MCTP2: variants seen among roughly 807,000 people sequenced by gnomAD.
The protein encoded by MCTP2 is multiple C2 and transmembrane domain-containing protein 2.
MCTP2 carries 132 observed loss-of-function variants against 111.6 expected under a neutral mutation model. That is an observed-to-expected ratio of 1.18 (90% CI 1.03 to 1.37). The LOEUF is 1.37. Among genes scored for constraint, MCTP2 ranks in the 40% most tolerant of loss-of-function variants. The probability of loss-of-function intolerance (pLI) is 0.00; values close to 1 mark genes in which losing one functional copy is unlikely to be tolerated. For synonymous variants in MCTP2, 395 were observed against 387.7 expected, an observed-to-expected ratio of 1.02 and a Z score of -0.22; for missense variants, 1,183 against 1,067.9, an observed-to-expected ratio of 1.11 and a Z score of -1.50.
chr15:94,398,820 G>T, intron 14 of MCTP2, 141 bp from the exon 15 acceptor site: 1 of 551,172 alleles, frequency 1.8e-6, no homozygotes, highest in South Asian at 2.4e-5. Flanking sequence ...GCGATTTATG[G>T]TGGATTTAAT....
At chr15:94,448,778 C>A (rs1480146049) in intron 19 of MCTP2, among the ~76,000 whole-genome samples, 1 of 152,202 alleles carries the variant, frequency 6.6e-6, no homozygotes, top group East Asian at 1.9e-4. Context: ...TGATTATCCA[C>A]AAGTGATTGG....
At chr15:94,361,637 G>A (rs1283410652) in intron 10 of MCTP2, among the ~76,000 whole-genome samples, 3 of 152,094 alleles carry the variant, frequency 2.0e-5, no homozygotes, top group Non-Finnish European at 2.9e-5. Flanking sequence ...TCACAACTTG[G>A]CAACTCAAAT....
In MCTP2 at chr15:94,360,803, T is replaced by C. The variant is rs984097625; in HGVS notation, c.1301+2191T>C. Among the ~76,000 whole-genome samples the C allele has an allele frequency of 3.9e-5, 6 of 152,110 alleles. No individual in the cohort carries two copies. In the South Asian group the frequency reaches 6.2e-4, roughly 16 times the overall value. On this transcript the variant is annotated intron_variant, in intron 10 of 22. Transcript: ENST00000357742. ...ATTTCCTGTTTATAACCGAGACATA[T>C]ACCTGTCTTGGTGGTCATTCTGTTC... is the stretch of plus-strand genomic sequence containing the variant.
At chr15:94,316,204 C>T (rs1490355614) in intron 4 of MCTP2, among the ~76,000 whole-genome samples, 1 of 152,052 alleles carries the variant, frequency 6.6e-6, no homozygotes, top group Non-Finnish European at 1.5e-5. Flanking sequence ...ACATATATTG[C>T]CTTTCTTTTA....
rs553601578 is a variant in MCTP2, at chr15:94,374,028, C to T, written c.1582+3848C>T. ...GGTATTTTAAGAAGAAAACAACTCG[C>T]GTTCTAATGATTAACTGAAAAAGAG... On this transcript the variant is annotated intron_variant, in intron 12 of 22. Coordinates refer to ENST00000357742, the MANE Select transcript of MCTP2 (RefSeq NM_001385001.1). 3.3e-4 allele frequency among the ~76,000 whole-genome samples: 50 copies of T among 152,272 alleles called. 1 individual carries two copies. The highest frequency in any genetic ancestry group is 1.1e-3 in the African/African-American group (45 of 41,572).
At chr15:94,315,983 C>T in intron 4 of MCTP2, among the ~76,000 whole-genome samples, 1 of 152,176 alleles carries the variant, frequency 6.6e-6, no homozygotes, top group East Asian at 1.9e-4. Flanking sequence ...TGAGCCCATC[C>T]TTAGTATAAG....
At chr15:94,390,094 A>ATG (rs1567602957) in intron 14 of MCTP2, among the ~76,000 whole-genome samples, 18 of 12,096 alleles carry the variant, frequency 1.5e-3, no homozygotes, top group African/African-American at 3.3e-3. Flanking sequence ...ATATATGTAT[A>ATG]TATATATATA....
intron 8 of MCTP2, among the ~76,000 whole-genome samples, chr15:94,355,703 G>A (rs1037228627): frequency 4.6e-5 from 7 of 152,210 alleles, no homozygotes; most frequent in African/African-American, 1.7e-4. Flanking sequence ...AGATTCAAAT[G>A]TGAAGGATAA....
rs189133108 is a variant in MCTP2 at position 94,272,410 on chromosome 15, C to T, written c.-65-25791C>T. Among the ~76,000 whole-genome samples, 334 of 152,214 alleles carry T rather than the reference C, an allele frequency of 2.2e-3. 2 individuals carry two copies. The highest frequency in any genetic ancestry group is 3.2e-3 in the Non-Finnish European group (221 of 68,010). On this transcript the variant is annotated intron_variant, in intron 1 of 22. Coordinates refer to ENST00000357742, the MANE Select transcript of MCTP2 (RefSeq NM_001385001.1). ...GCACGTGCGTTTAGCGTGAGTGTTG[C>T]GTCTGTCTACCTCTGTGATCCAGCC...
Position 94,385,425 on chromosome 15 carries a change from C to G in MCTP2, c.1688C>G (p.Pro563Arg). 6.2e-7 allele frequency: 1 copy of G among 1,602,246 alleles called. No homozygotes were observed. Among genetic ancestry groups the G allele is most frequent in the South Asian group, 1.1e-5 (1 of 90,760 alleles). ...NPEWNKVFTF[P>R]IKDIHDVLEV... ...AATACATGGTATTTTTGTTACAGTC[C>G]CATTAAAGATATCCATGATGTTTTG... Residue 563 changes from proline (P) to arginine (R), a missense_variant and splice_region_variant, in exon 14 of 23, where the codon CCC becomes CGC. By Grantham distance (103) the Pro-to-Arg change is moderately radical (BLOSUM62 -2). Transcript: ENST00000357742.
intron 17 of MCTP2, among the ~76,000 whole-genome samples, chr15:94,416,090 G>T (rs1236347343): frequency 6.6e-6 from 1 of 152,078 alleles, no homozygotes. Context: ...TACCCACTAT[G>T]CACAGTTGCA....
chr15:94,473,060 GTTT>G (rs1254628091), intron 21 of MCTP2, among the ~76,000 whole-genome samples: 3 of 123,872 alleles, frequency 2.4e-5, no homozygotes, highest in African/African-American at 5.2e-5. Flanking sequence ...TTTGTTCTAT[GTTT>G]TTAATTTTTT....
At chr15:94,404,652 T>G (rs909653454) in intron 17 of MCTP2, among the ~76,000 whole-genome samples, 2 of 152,034 alleles carry the variant, frequency 1.3e-5, no homozygotes, top group Non-Finnish European at 2.9e-5. Context: ...TAGCCAAGCT[T>G]TCATGTCCTT....
At chr15:94,388,337 C>G (rs11630614) in intron 14 of MCTP2, among the ~76,000 whole-genome samples, 55,233 of 152,030 alleles carry the variant, frequency 0.36, 12,294 homozygotes, top group Non-Finnish European at 0.5. Flanking sequence ...CACTCTGTTT[C>G]AATCCAGATT....
At chr15:94,436,664 C>A (rs1056461894) in intron 17 of MCTP2, among the ~76,000 whole-genome samples, 2 of 152,036 alleles carry the variant, frequency 1.3e-5, no homozygotes, top group African/African-American at 4.8e-5. Flanking sequence ...GGTGGTTGTT[C>A]AAGTAATTTT....
intron 18 of MCTP2, among the ~76,000 whole-genome samples, chr15:94,440,711 A>C (rs1349160886): frequency 2.6e-5 from 4 of 152,172 alleles, no homozygotes; most frequent in Non-Finnish European, 4.4e-5. Context: ...CACCTTATGC[A>C]ATGTTCTCTC....
intron 4 of MCTP2, among the ~76,000 whole-genome samples, chr15:94,331,619 G>GTTAAACAAGTT (rs1407741014): frequency 3.3e-5 from 5 of 152,142 alleles, no homozygotes; most frequent in Non-Finnish European, 5.9e-5. Flanking sequence ...TTTATAAATA[G>GTTAAACAAGTT]TTAAACAAGT....
Position 94,298,539 on chromosome 15 carries a change from A to G in MCTP2, c.274A>G (p.Ser92Gly). ...CACTGCAGGGATCTTTCCCAAGAGCAGCAGTAGCTCCTTGAAACAGTCTGA... is the reference window on the plus strand; with the variant it reads ...CACTGCAGGGATCTTTCCCAAGAGCGGCAGTAGCTCCTTGAAACAGTCTGA... ...LSTAGIFPKSSSSSLKQSEEE... is the reference protein window; with the variant it reads ...LSTAGIFPKSGSSSLKQSEEE... The change falls in exon 2 of 23, where the codon AGC (serine) becomes GGC (glycine). Residue 92 changes from serine (S) to glycine (G), a missense_variant. Ser to Gly is a moderately conservative substitution (Grantham distance 56). Coordinates refer to ENST00000357742, the MANE Select transcript of MCTP2 (RefSeq NM_001385001.1). 1 of 1,614,082 alleles carries G rather than the reference A, an allele frequency of 6.2e-7. No individual in the cohort carries two copies. The highest frequency in any genetic ancestry group is 2.2e-5 in the East Asian group (1 of 44,890).
At chr15:94,333,014 A>G (rs1007370321) in intron 4 of MCTP2, among the ~76,000 whole-genome samples, 1 of 152,228 alleles carries the variant, frequency 6.6e-6, no homozygotes, top group African/African-American at 2.4e-5. Flanking sequence ...AGGCAGGCAG[A>G]TTGCGAGGTC....
Sources: gnomAD v4.1 joint callset for allele counts (sites outside exome capture counted in the v4.1 genomes callset) on GRCh38, gnomAD v4.1.1 for gene constraint, MANE v1.5 for transcripts, NCBI Gene and HGNC (gene_info 2026-07-23, HGNC 2026-07-21) for gene names.